The following ATP10B variants were observed in gnomAD, a reference collection of about 807,000 sequenced individuals.
ATP10B encodes ATPase phospholipid transporting 10B (putative).
ATP10B carries 122 observed loss-of-function variants against 141.2 expected under a neutral mutation model. The ratio of observed to expected loss-of-function variants is 0.86; its 90% CI spans 0.75 to 1.00. The LOEUF (loss-of-function observed/expected upper bound fraction) is 1.00, where lower values mean the gene tolerates loss of function less well. Among genes scored for constraint, ATP10B ranks in the 50% least tolerant of loss-of-function variants. ATP10B has a pLI of 0.00. For missense variants in ATP10B, 1,876 were observed against 1,825.3 expected (o/e 1.03, Z -0.51); for synonymous variants, 685 against 692.0 (o/e 0.99, Z 0.16).
intron 2 of ATP10B, among the ~76,000 whole-genome samples, chr5:160,763,496 A>G (rs1324519281): frequency 6.6e-6 from 1 of 152,192 alleles, no homozygotes; most frequent in African/African-American, 2.4e-5. Flanking sequence ...TGGAAATTAA[A>G]AAATTATTTG....
chr5:160,617,944 T>G lies in ATP10B; in HGVS notation c.2446A>C (p.Arg816=). The G allele has an allele frequency of 6.2e-7, 1 of 1,614,216 alleles. No individual in the cohort carries two copies. Among genetic ancestry groups the G allele is most frequent in the Non-Finnish European group, 8.5e-7 (1 of 1,179,996 alleles). The change falls in exon 16 of 26, where the codon AGA becomes CGA. Residue 816 remains arginine (R), a synonymous_variant. Coordinates refer to ENST00000327245, the MANE Select transcript of ATP10B (RefSeq NM_025153.3). The part of the protein sequence containing the change: ...VPDINMEKKL[R]KIRARTQKHL... The stretch of plus-strand genomic sequence containing the variant: ...TTTTGGGTCCGGGCTCGGATTTTTC[T>G]CAGCTTCTTTTCCATATTAATGTCA...
intron 18 of ATP10B, among the ~76,000 whole-genome samples, chr5:160,608,488 C>A (rs1463745629): frequency 6.6e-6 from 1 of 152,122 alleles, no homozygotes; most frequent in African/African-American, 2.4e-5. Context: ...AGTTCTAGAT[C>A]CTTGAGGAAT....
intron 1 of ATP10B, among the ~76,000 whole-genome samples, chr5:160,803,295 T>C (rs1366685511): frequency 6.6e-6 from 1 of 152,216 alleles, no homozygotes; most frequent in Non-Finnish European, 1.5e-5. Flanking sequence ...GATTATCACG[T>C]ACCAGGAACT....
At chr5:160,895,754 A>G in the ATP10B span, among the ~76,000 whole-genome samples, 2 of 152,240 alleles carry the variant, frequency 1.3e-5, no homozygotes, top group African/African-American at 4.8e-5. Context: ...CATTCTTCTC[A>G]GCACCACATA....
At chr5:160,570,759 C>T (rs1195648133) in intron 24 of ATP10B, among the ~76,000 whole-genome samples, 2 of 152,214 alleles carry the variant, frequency 1.3e-5, no homozygotes, top group Non-Finnish European at 2.9e-5. Context: ...TTTTTAAGTG[C>T]ATCCTGTAAA....
At chr5:160,730,441 C>T (rs185948298) in intron 2 of ATP10B, among the ~76,000 whole-genome samples, 1 of 152,060 alleles carries the variant, frequency 6.6e-6, no homozygotes, top group East Asian at 1.9e-4. Flanking sequence ...AATTCATTGG[C>T]CTCCTAATGT....
At chr5:160,783,297 C>T (rs955825327) in intron 2 of ATP10B, among the ~76,000 whole-genome samples, 3 of 151,434 alleles carry the variant, frequency 2.0e-5, no homozygotes, top group African/African-American at 7.3e-5. Context: ...AGTTACTTCA[C>T]TTAGACTAAT....
At chr5:160,780,480 A>G (rs1160803138) in intron 2 of ATP10B, among the ~76,000 whole-genome samples, 2 of 152,188 alleles carry the variant, frequency 1.3e-5, no homozygotes, top group Admixed American at 1.3e-4. Flanking sequence ...TCAGACTTAA[A>G]CATCTAGAAA....
chr5:160,837,619 C>G (rs1163422600), intron 1 of ATP10B, among the ~76,000 whole-genome samples: 1 of 61,544 alleles, frequency 1.6e-5, no homozygotes, highest in Non-Finnish European at 4.5e-5. Flanking sequence ...ATTAAAATAT[C>G]ATTTGTTGTA....
At chr5:160,894,371 A>G in the ATP10B span, among the ~76,000 whole-genome samples, 2 of 152,046 alleles carry the variant, frequency 1.3e-5, no homozygotes, top group Non-Finnish European at 2.9e-5. Flanking sequence ...GACCTGATGG[A>G]GCTGAAAAAC....
intron 3 of ATP10B, among the ~76,000 whole-genome samples, chr5:160,689,680 G>T (rs1303599433): frequency 2.0e-5 from 3 of 152,036 alleles, no homozygotes; most frequent in African/African-American, 7.2e-5. Context: ...GGATGTGAGG[G>T]ACCACTTCAA....
chr5:160,883,591 G>A, the ATP10B span, among the ~76,000 whole-genome samples: 1 of 152,136 alleles, frequency 6.6e-6, no homozygotes, highest in Non-Finnish European at 1.5e-5. Flanking sequence ...GATTTGGGTG[G>A]TAAAGGGGAA....
the ATP10B span, among the ~76,000 whole-genome samples, chr5:160,915,297 C>T: frequency 1.3e-5 from 2 of 151,884 alleles, no homozygotes; most frequent in South Asian, 2.1e-4. Flanking sequence ...AGGTATTCTC[C>T]CCACGCTTTC....
At chr5:160,749,685 T>C (rs1433001178) in intron 2 of ATP10B, among the ~76,000 whole-genome samples, 1 of 152,190 alleles carries the variant, frequency 6.6e-6, no homozygotes, top group African/African-American at 2.4e-5. Flanking sequence ...TGTGACTGTA[T>C]GTAAAAATGA....
intron 3 of ATP10B, among the ~76,000 whole-genome samples, chr5:160,715,456 C>A (rs1272015102): frequency 6.9e-6 from 1 of 144,496 alleles, no homozygotes; most frequent in Admixed American, 6.9e-5. Flanking sequence ...TGAGGCAATG[C>A]CTCGCCCTGC....
At position 160,632,193 on chromosome 5, in the gene ATP10B, T is replaced by C; in HGVS notation, c.1556A>G (p.Tyr519Cys). The C allele has an allele frequency of 6.2e-7, 1 of 1,614,208 alleles. No individual in the cohort carries two copies. Residue 519 changes from tyrosine to cysteine, a missense_variant, in exon 13 of 26, where the codon TAC becomes TGC. By Grantham distance (194) the Tyr-to-Cys change is radical (BLOSUM62 -2). Coordinates refer to ENST00000327245, the MANE Select transcript of ATP10B (RefSeq NM_025153.3). ...QSARVPIQGH[Y>C]RQRSMGHRES... is the part of the protein sequence containing the mutation. ...ACGGTGCCCCATAGACCTTTGCCGG[T>C]AGTGGCCCTGGATGGGCACCCGGGC...
chr5:160,578,108 A>G (rs1202122391), intron 24 of ATP10B, among the ~76,000 whole-genome samples: 2 of 152,172 alleles, frequency 1.3e-5, no homozygotes, highest in Non-Finnish European at 2.9e-5. Context: ...AACTATGAGT[A>G]CTGATATATT....
the ATP10B span, among the ~76,000 whole-genome samples, chr5:160,878,756 A>G: frequency 6.6e-6 from 1 of 152,192 alleles, no homozygotes; most frequent in African/African-American, 2.4e-5. Flanking sequence ...AAAACAAGAC[A>G]TTTATGCAGC....
chr5:160,784,820 A>G (rs1771012689), intron 2 of ATP10B, among the ~76,000 whole-genome samples: 1 of 152,128 alleles, frequency 6.6e-6, no homozygotes, highest in South Asian at 2.1e-4. Context: ...TCATAGTATC[A>G]TCTTATAGTA....
Sources: gnomAD v4.1 joint callset for allele counts (sites outside exome capture counted in the v4.1 genomes callset) on GRCh38, gnomAD v4.1.1 for gene constraint, MANE v1.5 for transcripts, NCBI Gene and HGNC (gene_info 2026-07-23, HGNC 2026-07-21) for gene names.